Variants in PCDHGA5 observed in about 807,000 individuals in gnomAD.
The protein encoded by PCDHGA5 is protocadherin gamma subfamily A, 5.
Under a neutral mutation model 56.7 loss-of-function variants are expected in PCDHGA5, and 36 were observed. The ratio of observed to expected loss-of-function variants is 0.64; its 90% CI spans 0.49 to 0.84. The LOEUF (loss-of-function observed/expected upper bound fraction) is 0.84, where lower values mean the gene tolerates loss of function less well. Among genes scored for constraint, PCDHGA5 ranks in the 40% least tolerant of loss-of-function variants. PCDHGA5 has a pLI of 0.00. For synonymous variants in PCDHGA5, 563 were observed against 520.2 expected (o/e 1.08, Z -1.12); for missense variants, 1,305 against 1,201.5 (o/e 1.09, Z -1.27).
chr5:141,492,425 C>T (rs1243599547), intron 1 of PCDHGA5, among the ~76,000 whole-genome samples: 1 of 152,254 alleles, frequency 6.6e-6, no homozygotes, highest in Non-Finnish European at 1.5e-5. Flanking sequence ...CTCCGCCGGG[C>T]TCAGGAGTAC....
intron 1 of PCDHGA5, among the ~76,000 whole-genome samples, chr5:141,438,587 CATACATATAT>C (rs1422309749): frequency 6.8e-5 from 5 of 73,430 alleles, no homozygotes; most frequent in South Asian, 5.1e-4. Context: ...TACATACATA[CATACATATAT>C]ATATATATAT....
At chr5:141,413,383 A>G in intron 1 of PCDHGA5, 1 of 1,613,998 alleles carries the variant, frequency 6.2e-7, no homozygotes, top group Non-Finnish European at 8.5e-7. Context: ...CGGAGTCCGC[A>G]TAGTCTCCAG....
At chr5:141,376,556 A>G in intron 1 of PCDHGA5, 1 of 1,611,100 alleles carries the variant, frequency 6.2e-7, no homozygotes, top group Non-Finnish European at 8.5e-7. Context: ...TCTTCCCGCA[A>G]CCCAACTAAT....
At chr5:141,370,264 C>A in intron 1 of PCDHGA5, 2 of 752,616 alleles carry the variant, frequency 2.7e-6, no homozygotes, top group Non-Finnish European at 4.2e-6. Flanking sequence ...AGGCTTCCTG[C>A]AGCGGAGACA....
intron 1 of PCDHGA5, among the ~76,000 whole-genome samples, chr5:141,406,621 A>G (rs2094831746): frequency 6.6e-6 from 1 of 152,172 alleles, no homozygotes; most frequent in African/African-American, 2.4e-5. Flanking sequence ...TTTTATTCTC[A>G]TATCTTCAAA....
rs548823035 is a variant in PCDHGA5 at position 141,499,447 on chromosome 5, C to T, written c.2480+4582C>T. ...AGAAAAAAAATTAAAAGGAAAACCA[C>T]CCATCATTTTACAATCTAGGGAGAA... On this transcript the variant is annotated intron_variant, in intron 2 of 3. Transcript: ENST00000518069. Among the ~76,000 whole-genome samples the T allele has an allele frequency of 3.8e-4, 58 of 152,250 alleles. 1 individual carries two copies. In the East Asian group the frequency reaches 9.1e-3, roughly 24 times the overall value.
Position 141,366,750 on chromosome 5 carries a change from AG to A in PCDHGA5, c.2421+1del. ...GCAAACAAAGAAGAACGGCGAGTTC[AG>A]GTTAGTTTTCTCTTTCGGTAAGGAT... ...VDANKEERRV[Q>X]QAPPNTDWRF... is the part of the protein sequence containing the mutation. On this transcript the variant is annotated frameshift_variant and splice_region_variant, in exon 1 of 4. Transcript: ENST00000518069. LOFTEE classifies it high-confidence loss of function. 1 of 1,607,760 alleles carries A rather than the reference AG, an allele frequency of 6.2e-7. No individual in the cohort carries two copies. The highest frequency in any genetic ancestry group is 2.2e-5 in the East Asian group (1 of 44,738).
Position 141,388,206 on chromosome 5 carries a change from G to C in PCDHGA5, c.2421+21455G>C. ...GCCAGCTTGTGCTCTGGAATTTGAGGCTGTTGCTGAAAATCCACTGAACTT... is the reference window on the plus strand; with the variant it reads ...GCCAGCTTGTGCTCTGGAATTTGAGCCTGTTGCTGAAAATCCACTGAACTT... On this transcript the variant is annotated intron_variant, in intron 1 of 3. Coordinates refer to ENST00000518069, the MANE Select transcript of PCDHGA5 (RefSeq NM_018918.3). 4 of 1,578,262 alleles carry C rather than the reference G, an allele frequency of 2.5e-6. No homozygotes were observed. In the South Asian group the frequency reaches 4.5e-5, roughly 18 times the overall value.
At position 141,379,535 on chromosome 5, in the gene PCDHGA5, G is replaced by A. The variant is rs1035667412; in HGVS notation, c.2421+12784G>A. On this transcript the variant is annotated intron_variant, in intron 1 of 3. Coordinates refer to ENST00000518069, the MANE Select transcript of PCDHGA5 (RefSeq NM_018918.3). ...ACATCTTGAGCATTTGTTGTTATAGGGAAAGCTCACTAACTACTTTTCATG... is the reference window on the plus strand; with the variant it reads ...ACATCTTGAGCATTTGTTGTTATAGAGAAAGCTCACTAACTACTTTTCATG... 103 of 152,098 alleles carry A rather than the reference G, an allele frequency of 6.8e-4. 1 individual carries two copies. Among genetic ancestry groups the A allele is most frequent in the African/African-American group, 2.4e-3 (101 of 41,410 alleles). 9.4% of individuals were successfully genotyped at this position (152,098 alleles called of 1,614,324 possible).
chr5:141,476,711 G>C lies in PCDHGA5; in HGVS notation c.2422-18096G>C. 1 of 1,614,194 alleles carries C rather than the reference G, an allele frequency of 6.2e-7. No individual in the cohort carries two copies. The highest frequency in any genetic ancestry group is 8.5e-7 in the Non-Finnish European group (1 of 1,180,042). On this transcript the variant is annotated intron_variant, in intron 1 of 3. Coordinates refer to ENST00000518069, the MANE Select transcript of PCDHGA5 (RefSeq NM_018918.3). This position sits in a 1 kb window ranked among gnomAD's most constrained non-coding sequence, Gnocchi z 7.6. ...CACCAAGTACGCGGAGCTGGTGTTG[G>C]AGCGCGCCCTGGACCGAGAACGGGA...
rs753581561 is a variant in PCDHGA5, at chr5:141,485,195, T to G, written c.2422-9612T>G. 2.2e-5 allele frequency: 36 copies of G among 1,613,912 alleles called. No homozygotes were observed. Among genetic ancestry groups the G allele is most frequent in the Non-Finnish European group, 1.4e-5 (16 of 1,179,906 alleles). ...AGCAATGCTCCGCAAGGTGAGAAGC[T>G]GGACAGAAATCTGGCGGTGGGCTAC... is the stretch of plus-strand genomic sequence containing the variant. On this transcript the variant is annotated intron_variant, in intron 1 of 3. Transcript: ENST00000518069. The surrounding 1 kb of genome is among the most constrained non-coding windows in gnomAD (Gnocchi z 5.7).
chr5:141,418,360 G>T (rs544948410), intron 1 of PCDHGA5: 4 of 1,613,990 alleles, frequency 2.5e-6, no homozygotes, highest in Non-Finnish European at 3.4e-6. Flanking sequence ...TGAATTCGCT[G>T]AGCAAATACC....
intron 1 of PCDHGA5, among the ~76,000 whole-genome samples, chr5:141,463,541 C>T (rs1423301726): frequency 2.7e-5 from 4 of 150,402 alleles, no homozygotes; most frequent in East Asian, 2.0e-4. Flanking sequence ...CTCCGGCTCC[C>T]GGGTTCATGC....
intron 1 of PCDHGA5, chr5:141,370,643 C>T (rs1767087825): frequency 6.2e-7 from 1 of 1,613,934 alleles, no homozygotes; most frequent in African/African-American, 1.3e-5. Flanking sequence ...AAAATGGGAA[C>T]TTACTTGTGA....
rs1382764259 is a variant in PCDHGA5 at position 141,478,383 on chromosome 5, T to G, written c.2422-16424T>G. 2.5e-6 allele frequency: 4 copies of G among 1,613,630 alleles called. No individual in the cohort carries two copies. In the Admixed American group the frequency reaches 6.7e-5, roughly 27 times the overall value. Reference sequence around the variant, plus strand: ...CGGGGAGGCCTGATGTCGCCGCACCTTTACCATCAGGTGTATCTCACCACG... The same window carrying G: ...CGGGGAGGCCTGATGTCGCCGCACCGTTACCATCAGGTGTATCTCACCACG... On this transcript the variant is annotated intron_variant, in intron 1 of 3. Coordinates refer to ENST00000518069, the MANE Select transcript of PCDHGA5 (RefSeq NM_018918.3).
At chr5:141,414,802 G>C (rs201378410) in intron 1 of PCDHGA5, 3 of 1,614,108 alleles carry the variant, frequency 1.9e-6, no homozygotes, top group Admixed American at 3.3e-5. Flanking sequence ...CGACAGCGGG[G>C]ATCCTCCACT....
intron 1 of PCDHGA5, among the ~76,000 whole-genome samples, chr5:141,481,426 A>G (rs1431602618): frequency 6.6e-6 from 1 of 152,238 alleles, no homozygotes; most frequent in Non-Finnish European, 1.5e-5. Flanking sequence ...TGTGATGATG[A>G]TTGTATCAGT....
intron 3 of PCDHGA5, among the ~76,000 whole-genome samples, chr5:141,506,132 G>T (rs114930087): frequency 1.2e-4 from 18 of 152,310 alleles, no homozygotes; most frequent in African/African-American, 4.3e-4. Context: ...CAGAGCAGGA[G>T]AAGAAGAATA....
At chr5:141,408,645 C>T (rs763904747) in intron 1 of PCDHGA5, 10 of 1,613,890 alleles carry the variant, frequency 6.2e-6, no homozygotes, top group Non-Finnish European at 8.5e-6. Flanking sequence ...TCTGCATCCG[C>T]TGGTACACGA....
Sources: gnomAD v4.1 joint callset for allele counts (sites outside exome capture counted in the v4.1 genomes callset) on GRCh38, gnomAD v4.1.1 for gene constraint, Gnocchi (gnomAD v3.1) non-coding constraint, MANE v1.5 for transcripts, NCBI Gene and HGNC (gene_info 2026-07-23, HGNC 2026-07-21) for gene names.